The following DET1 variants were observed in gnomAD, a reference collection of about 807,000 sequenced individuals.
DET1 encodes the protein DET1 partner of COP1 E3 ubiquitin ligase, also known as DET1 homolog.
Under a neutral mutation model 43.7 loss-of-function variants are expected in DET1, and 22 were observed. The observed-to-expected ratio is 0.50, with a 90% CI of 0.36 to 0.72. DET1 has a LOEUF of 0.72. Ranked by LOEUF, DET1 falls within the 30% of genes least tolerant of loss-of-function variation. The pLI, the probability that DET1 is intolerant of heterozygous loss-of-function variation, is 0.00. For synonymous variants in DET1, 315 were observed against 266.2 expected, an observed-to-expected ratio of 1.18 and a Z score of -1.79; for missense variants, 713 against 713.3, an observed-to-expected ratio of 1.00 and a Z score of 0.00.
chr15:88,542,494 G>A (rs2057136665), intron 1 of DET1, among the ~76,000 whole-genome samples: 1 of 152,142 alleles, frequency 6.6e-6, no homozygotes. Flanking sequence ...TGACCCGGTG[G>A]CTCCCGAAAA....
At chr15:88,530,227 G>A (rs1241555150) in intron 2 of DET1, among the ~76,000 whole-genome samples, 1 of 152,114 alleles carries the variant, frequency 6.6e-6, no homozygotes, top group Non-Finnish European at 1.5e-5. Context: ...TTTCTTTTTG[G>A]TATGGTGTAC....
chr15:88,534,883 TC>T (rs1353240543), intron 1 of DET1, among the ~76,000 whole-genome samples: 8 of 152,294 alleles, frequency 5.3e-5, no homozygotes, highest in East Asian at 3.9e-4. Flanking sequence ...CTTATAATAT[TC>T]AAAATGTCTA....
At chr15:88,544,611 T>G (rs554188043) in intron 1 of DET1, among the ~76,000 whole-genome samples, 1 of 152,266 alleles carries the variant, frequency 6.6e-6, no homozygotes, top group African/African-American at 2.4e-5. Flanking sequence ...AAGGACTCAC[T>G]CCTGCTTTGA....
chr15:88,538,047 T>C (rs7165890), intron 1 of DET1, among the ~76,000 whole-genome samples: 104,536 of 152,138 alleles, frequency 0.69, 36,127 homozygotes, highest in South Asian at 0.82. Context: ...ATGCGGTATT[T>C]TCAGAGCCTA....
At chr15:88,522,609 C>G (rs904506309) in intron 3 of DET1, among the ~76,000 whole-genome samples, 1 of 149,592 alleles carries the variant, frequency 6.7e-6, no homozygotes, top group Non-Finnish European at 1.5e-5. Context: ...CCTGGGTTCA[C>G]GCCATTCTCC....
chr15:88,520,448 T>C (rs2142274603), intron 3 of DET1, among the ~76,000 whole-genome samples: 1 of 152,342 alleles, frequency 6.6e-6, no homozygotes, highest in South Asian at 2.1e-4. Flanking sequence ...TTTCAGTCCC[T>C]ATTGTACTTG....
downstream of DET1, among the ~76,000 whole-genome samples, chr15:88,509,667 G>A (rs1282845020): frequency 6.6e-6 from 1 of 152,172 alleles, no homozygotes; most frequent in Non-Finnish European, 1.5e-5. Context: ...TGAAGATGCT[G>A]GTATCCCAGC....
intron 1 of DET1, 51 bp downstream of exon 1, chr15:88,546,489 G>C (rs192657210): frequency 6.6e-6 from 1 of 152,446 alleles, no homozygotes; most frequent in Non-Finnish European, 1.5e-5. Context: ...GGAGCCTGCC[G>C]GGGAGGGTCT....
intron 7 of DET1, chr15:88,505,469 T>C (rs528812238): frequency 6.6e-6 from 1 of 152,356 alleles, no homozygotes; most frequent in Non-Finnish European, 1.5e-5. Context: ...TCTGCCTTTC[T>C]GAGTATAAAA....
chr15:88,531,017 G>C lies in DET1; in HGVS notation c.689C>G (p.Ala230Gly). 1.2e-6 allele frequency: 2 copies of C among 1,613,470 alleles called. No individual in the cohort carries two copies. Among genetic ancestry groups the C allele is most frequent in the Non-Finnish European group, 1.7e-6 (2 of 1,179,590 alleles). Reference sequence around the variant, plus strand: ...GGTCTGTTGTTGCACAGACAAGATGGCCAGGATGTTTTTGTACAAGTACAG... The same window carrying C: ...GGTCTGTTGTTGCACAGACAAGATGCCCAGGATGTTTTTGTACAAGTACAG... ...QGLYLYKNIL[A>G]ILSVQQQTIH... Residue 230 changes from alanine to glycine, a missense_variant, in exon 2 of 5, where the codon GCC becomes GGC. Physicochemically the swap from Ala to Gly is moderately conservative, Grantham distance 60 (BLOSUM62 0). Transcript: ENST00000268148. The surrounding 1 kb of genome is among the most constrained non-coding windows in gnomAD (Gnocchi z 6.2).
rs2056337424 is a variant in DET1 at position 88,516,076 on chromosome 15, A to C, written c.1463+706T>G. Among the ~76,000 whole-genome samples the C allele has an allele frequency of 6.6e-6, 1 of 152,220 alleles. No individual in the cohort carries two copies. The highest frequency in any genetic ancestry group is 1.5e-5 in the Non-Finnish European group (1 of 68,050). ...ATGATGAAATATATCTATCATAAAG[A>C]TCTAACTACCACTGTTTCTGTGTGA... On this transcript the variant is annotated intron_variant, in intron 4 of 4. Transcript: ENST00000268148. The surrounding 1 kb of genome is among the most constrained non-coding windows in gnomAD (Gnocchi z 4.4).
chr15:88,506,190 G>T (rs144976049), intron 7 of DET1, among the ~76,000 whole-genome samples: 2 of 152,116 alleles, frequency 1.3e-5, no homozygotes, highest in East Asian at 3.9e-4. Flanking sequence ...TGCTCACATC[G>T]ACCCTGAAAA....
intron 1 of DET1, among the ~76,000 whole-genome samples, chr15:88,539,094 GCTCT>G (rs35379111): frequency 0.01 from 1,501 of 147,894 alleles, 18 homozygotes; most frequent in Middle Eastern, 0.028. Flanking sequence ...CTGGCAGACC[GCTCT>G]CTCTCTCTCT....
chr15:88,541,685 C>A (rs1286770765), intron 1 of DET1, among the ~76,000 whole-genome samples: 1 of 152,218 alleles, frequency 6.6e-6, no homozygotes, highest in African/African-American at 2.4e-5. Flanking sequence ...CTCCTGGCCA[C>A]CCTGATCAGT....
chr15:88,534,336 C>G (rs1283421979), intron 1 of DET1, among the ~76,000 whole-genome samples: 1 of 152,024 alleles, frequency 6.6e-6, no homozygotes, highest in Admixed American at 6.5e-5. Flanking sequence ...GCTATAAAAC[C>G]TAGACAGAAT....
At chr15:88,539,945 CTG>C (rs1273682061) in intron 1 of DET1, among the ~76,000 whole-genome samples, 1 of 152,190 alleles carries the variant, frequency 6.6e-6, no homozygotes, top group African/African-American at 2.4e-5. Context: ...AAACAGAACA[CTG>C]TGTAGGGAAA....
intron 3 of DET1, among the ~76,000 whole-genome samples, chr15:88,524,593 A>G (rs2056609993): frequency 6.6e-6 from 1 of 152,036 alleles, no homozygotes; most frequent in African/African-American, 2.4e-5. Context: ...GACATGGGAG[A>G]CTCCATTTTG....
chr15:88,526,074 A>G (rs1403633367), intron 3 of DET1, among the ~76,000 whole-genome samples: 1 of 152,212 alleles, frequency 6.6e-6, no homozygotes, highest in Admixed American at 6.5e-5. Flanking sequence ...TTCTGCATCT[A>G]AAAATTCTTC....
chr15:88,508,995 G>C (rs970419871), downstream of DET1, among the ~76,000 whole-genome samples: 3 of 152,264 alleles, frequency 2.0e-5, no homozygotes, highest in African/African-American at 7.2e-5. Flanking sequence ...CAGGTAGAGG[G>C]GCTTGCCTTT....
Sources: allele counts gnomAD v4.1 joint callset (sites outside exome capture counted in the v4.1 genomes callset), GRCh38; gene constraint gnomAD v4.1.1; non-coding constraint Gnocchi (gnomAD v3.1); transcripts MANE v1.5; gene names NCBI Gene and HGNC (gene_info 2026-07-23, HGNC 2026-07-21).